Variants in UNC79 observed in about 807,000 individuals in gnomAD.
The protein encoded by UNC79 is unc-79 subunit of NALCN channel complex, also known as protein unc-79 homolog.
Under a neutral mutation model 283.1 loss-of-function variants are expected in UNC79, and 37 were observed. The ratio of observed to expected loss-of-function variants is 0.13; its 90% CI spans 0.10 to 0.17. The LOEUF is 0.17. UNC79 is among the 10% of genes least tolerant of loss of function. The probability of loss-of-function intolerance (pLI) is 1.00; values close to 1 mark genes in which losing one functional copy is unlikely to be tolerated. For synonymous variants in UNC79, 1,107 were observed against 1,200.2 expected, an observed-to-expected ratio of 0.92 and a Z score of 1.61; for missense variants, 2,272 against 3,211.1, an observed-to-expected ratio of 0.71 and a Z score of 7.07.
chr14:93,540,389 G>C (rs1009036331), intron 12 of UNC79, among the ~76,000 whole-genome samples: 2 of 152,154 alleles, frequency 1.3e-5, no homozygotes, highest in African/African-American at 4.8e-5. Context: ...AGTTCTGCTT[G>C]ATGCTAATTG....
At chr14:93,401,895 A>G (rs2055115280) in intron 1 of UNC79, among the ~76,000 whole-genome samples, 1 of 152,218 alleles carries the variant, frequency 6.6e-6, no homozygotes, top group Non-Finnish European at 1.5e-5. Flanking sequence ...GCATAAGGGA[A>G]TAGAAGAGAG....
At chr14:93,454,208 T>C (rs999197448) in intron 1 of UNC79, among the ~76,000 whole-genome samples, 1 of 151,984 alleles carries the variant, frequency 6.6e-6, no homozygotes, top group African/African-American at 2.4e-5. Context: ...CACTTGGTTA[T>C]TAAAAAAATT....
intron 33 of UNC79, among the ~76,000 whole-genome samples, chr14:93,642,940 G>C (rs186864905): frequency 5.3e-5 from 8 of 152,286 alleles, no homozygotes; most frequent in African/African-American, 1.9e-4. Flanking sequence ...AGAGCGGTAG[G>C]TTGGAAGTTA....
intron 1 of UNC79, among the ~76,000 whole-genome samples, chr14:93,456,484 G>T (rs1459157976): frequency 6.6e-6 from 1 of 152,054 alleles, no homozygotes; most frequent in East Asian, 1.9e-4. Context: ...TACCCTCAGG[G>T]CCTCTTCTCT....
rs1035872216 is a variant in UNC79, at chr14:93,493,864, G to A, written c.713-2547G>A. ...TGGAGCAGGAGGAAGAGAGAGAAGG[G>A]GAAGTGCCACATATATATATATATA... On this transcript the variant is annotated intron_variant, in intron 5 of 48. Transcript: ENST00000555664. 5.7e-5 allele frequency among the ~76,000 whole-genome samples: 8 copies of A among 141,142 alleles called. No individual in the cohort carries two copies. The East Asian group carries it at 1.7e-3, about 30-fold the overall frequency. The allele number at this position is 141,142 out of a possible 152,430, so 92.6% of individuals were successfully genotyped here.
chr14:93,404,493 A>AATATATATAT lies in UNC79; in HGVS notation c.-350-63166_-350-63157dup, dbSNP rs1445930733. On this transcript the variant is annotated intron_variant, in intron 1 of 49. Coordinates refer to the UNC79 transcript ENST00000256339. The stretch of plus-strand genomic sequence containing the variant: ...TGACAGAGTGAGACCTTCTAAAAAA[A>AATATATATAT]ATATATATATATATATATATAAATA... Among the ~76,000 whole-genome samples the AATATATATAT allele has an allele frequency of 3.2e-3, 196 of 61,494 alleles. 7 individuals carry two copies. Among genetic ancestry groups the AATATATATAT allele is most frequent in the African/African-American group, 0.013 (188 of 15,000 alleles). 40.3% of individuals were successfully genotyped at this position (61,494 alleles called of 152,430 possible).
chr14:93,654,047 CCTAAGCCCCAGCCGAAACT>C, intron 37 of UNC79, 22 bp downstream of exon 40: 1 of 1,611,158 alleles, frequency 6.2e-7, no homozygotes, highest in Non-Finnish European at 8.5e-7. Context: ...TTAATGACAC[CCTAAGCCCCAGCCGAAACT>C]CTAAGCCCCA....
chr14:93,639,164 T>A (rs943320), intron 32 of UNC79, among the ~76,000 whole-genome samples: 8,905 of 152,294 alleles, frequency 0.058, 547 homozygotes, highest in African/African-American at 0.16. Flanking sequence ...GGCAATAATC[T>A]TCTGAAAGGC....
In UNC79 at chr14:93,654,029, G is replaced by A; in HGVS notation, c.6282+4G>A. On this transcript the variant is annotated splice_donor_region_variant and intron_variant, in intron 37 of 48. Transcript: ENST00000555664. Reference sequence around the variant, plus strand: ...AGCTCTCAGTCAGCTCCTAGAGGTGGGTTTCCTTTAATGACACCCTAAGCC... The same window carrying A: ...AGCTCTCAGTCAGCTCCTAGAGGTGAGTTTCCTTTAATGACACCCTAAGCC... 1.2e-6 allele frequency: 2 copies of A among 1,613,982 alleles called. No individual in the cohort carries two copies. Among genetic ancestry groups the A allele is most frequent in the Non-Finnish European group, 1.7e-6 (2 of 1,179,946 alleles).
rs368685559 is a variant in UNC79 at position 93,368,717 on chromosome 14, C to T, written c.-351+35194C>T. ...AAACTCCTGGACTCAAGTGATCCACCCGCCTCAGCCTTCCAAAGTGCGGGG... is the reference window on the plus strand; with the variant it reads ...AAACTCCTGGACTCAAGTGATCCACTCGCCTCAGCCTTCCAAAGTGCGGGG... On this transcript the variant is annotated intron_variant, in intron 1 of 49. Transcript: ENST00000256339. 2.2e-4 allele frequency among the ~76,000 whole-genome samples: 33 copies of T among 152,214 alleles called. 1 individual carries two copies. In the East Asian group the frequency reaches 4.1e-3, roughly 19 times the overall value.
At chr14:93,509,930 G>A (rs909159248) in intron 7 of UNC79, among the ~76,000 whole-genome samples, 12 of 152,254 alleles carry the variant, frequency 7.9e-5, no homozygotes, top group African/African-American at 2.4e-4. Context: ...CTCCGTGAAC[G>A]CTCTATCCCT....
intron 42 of UNC79, among the ~76,000 whole-genome samples, chr14:93,684,276 A>G (rs562309392): frequency 6.7e-4 from 102 of 152,324 alleles, no homozygotes; most frequent in Non-Finnish European, 1.2e-3. Flanking sequence ...CTTGTAAGCC[A>G]CTAGTGGTAG....
chr14:93,707,247 A>G, downstream of UNC79: 1 of 211,832 alleles, frequency 4.7e-6, no homozygotes, highest in Non-Finnish European at 9.3e-6. Context: ...ATTTTTGATG[A>G]TAGAGAATAA....
chr14:93,363,875 C>T (rs1218758475), intron 1 of UNC79, among the ~76,000 whole-genome samples: 3 of 152,072 alleles, frequency 2.0e-5, no homozygotes, highest in African/African-American at 7.2e-5. Context: ...CCTGCCACCA[C>T]ACCCAGCTAA....
intron 46 of UNC79, among the ~76,000 whole-genome samples, chr14:93,693,906 G>A (rs1336725562): frequency 6.6e-6 from 1 of 152,088 alleles, no homozygotes; most frequent in African/African-American, 2.4e-5. Flanking sequence ...TCATTATATG[G>A]TGTATAAAAG....
At chr14:93,471,865 A>G (rs1278776998) in intron 2 of UNC79, among the ~76,000 whole-genome samples, 1 of 152,004 alleles carries the variant, frequency 6.6e-6, no homozygotes, top group Non-Finnish European at 1.5e-5. Context: ...ATCGTTTGGG[A>G]ACCCCACATA....
intron 7 of UNC79, among the ~76,000 whole-genome samples, chr14:93,517,900 A>ACT (rs1555434765): frequency 3.8e-4 from 42 of 110,492 alleles, no homozygotes; most frequent in African/African-American, 1.1e-3. Flanking sequence ...TGTATATGTG[A>ACT]GTGTGTGTGT....
At chr14:93,486,466 C>T (rs139300058) in intron 4 of UNC79, among the ~76,000 whole-genome samples, 2,130 of 151,780 alleles carry the variant, frequency 0.014, 23 homozygotes, top group Middle Eastern at 0.038. Context: ...ACTAGCCTGG[C>T]CAAGATGGTG....
At chr14:93,643,999 T>C (rs2069327639) in intron 34 of UNC79, among the ~76,000 whole-genome samples, 1 of 152,224 alleles carries the variant, frequency 6.6e-6, no homozygotes, top group African/African-American at 2.4e-5. Context: ...CACACAACTG[T>C]CAGCAGTTGA....
Sources: gnomAD v4.1 joint callset for allele counts (sites outside exome capture counted in the v4.1 genomes callset) on GRCh38, gnomAD v4.1.1 for gene constraint, MANE v1.5 for transcripts, NCBI Gene and HGNC (gene_info 2026-07-23, HGNC 2026-07-21) for gene names.